The following TRIM65 variants were observed in gnomAD, a reference collection of about 807,000 sequenced individuals.
TRIM65 encodes E3 ubiquitin-protein ligase TRIM65.
Under a neutral mutation model 36.1 loss-of-function variants are expected in TRIM65, and 46 were observed. That is an observed-to-expected ratio of 1.27 (90% CI 1.01 to 1.63). The LOEUF is 1.63. Ranked by LOEUF, TRIM65 falls within the 40% of genes most tolerant of loss-of-function variation. The pLI, the probability that TRIM65 is intolerant of heterozygous loss-of-function variation, is 0.00. For synonymous variants in TRIM65, 346 were observed against 313.6 expected (o/e 1.10, Z -1.09); for missense variants, 708 against 696.6 (o/e 1.02, Z -0.18).
Position 75,892,391 on chromosome 17 carries a change from G to T in TRIM65, c.620C>A (p.Thr207Lys). Residue 207 changes from threonine to lysine, a missense_variant, in exon 3 of 6, where the codon ACG becomes AAG. Thr to Lys is a moderately conservative substitution (Grantham distance 78). Transcript: ENST00000269383. ...TALRSIEVAK[T>K]QALAQARDEE... is the part of the protein sequence containing the mutation. ...GTCTCGAGCCTGTGCCAGCGCCTGC[G>T]TCTTGGCCACCTCGATGCTCCTCAG... 1 of 1,613,994 alleles carries T rather than the reference G, an allele frequency of 6.2e-7. No homozygotes were observed. The highest frequency in any genetic ancestry group is 8.5e-7 in the Non-Finnish European group (1 of 1,179,988).
downstream of TRIM65, among the ~76,000 whole-genome samples, chr17:75,887,806 G>A (rs569367869): frequency 6.6e-6 from 1 of 152,262 alleles, no homozygotes; most frequent in Non-Finnish European, 1.5e-5. Flanking sequence ...TGGATCACGA[G>A]GTCAAGAGTT....
intron 4 of TRIM65, among the ~76,000 whole-genome samples, chr17:75,883,460 TG>T (rs1243047058): frequency 6.6e-6 from 1 of 151,902 alleles, no homozygotes; most frequent in Non-Finnish European, 1.5e-5. Context: ...TTTTGTTTTT[TG>T]GTTAAAAAGC....
chr17:75,887,066 A>G (rs1014403960), downstream of TRIM65, among the ~76,000 whole-genome samples: 1 of 147,484 alleles, frequency 6.8e-6, no homozygotes, highest in African/African-American at 2.5e-5. Context: ...CTGAGGCAGG[A>G]GGAGGAAGGA....
At position 75,889,057 on chromosome 17, in the gene TRIM65, CT is replaced by C. The variant is rs576324036; in HGVS notation, c.*1721del. 6.5e-3 allele frequency: 922 copies of C among 141,276 alleles called. 6 individuals are homozygous for C. The highest frequency in any genetic ancestry group is 0.017 in the African/African-American group (671 of 38,742). 8.8% of individuals were successfully genotyped at this position (141,276 alleles called of 1,614,324 possible). On this transcript the variant is annotated 3_prime_UTR_variant, in exon 6 of 6. Transcript: ENST00000269383. ...AGTTACAAAAAGCAGACAGCCCTCC[CT>C]TTTTTTTTTTTTTTTTGAGACAGAG...
chr17:75,891,860 G>A lies in TRIM65; in HGVS notation c.938C>T (p.Ala313Val), dbSNP rs2065271984. Residue 313 changes from alanine to valine, a missense_variant, in exon 5 of 6, where the codon GCA becomes GTA. Ala to Val is a moderately conservative substitution (Grantham distance 64). Transcript: ENST00000269383. ...TGGACAAACTGTGCTTGGGACCGGT[G>A]CCAGGGGACCTGGGGCCTCTAGGGG... ...LAPVEAPGPL[A>V]PVPSTVCPLR... The A allele has an allele frequency of 1.2e-6, 2 of 1,612,646 alleles. No homozygotes were observed. The highest frequency in any genetic ancestry group is 1.3e-5 in the African/African-American group (1 of 75,010).
intron 1 of TRIM65, among the ~76,000 whole-genome samples, chr17:75,894,009 C>A (rs1381895174): frequency 1.3e-5 from 2 of 152,212 alleles, no homozygotes. Context: ...TCCCGCAACA[C>A]TCTGGAGCCC....
Position 75,892,793 on chromosome 17 carries a change from G to A in TRIM65, c.472C>T (p.Gln158Ter), listed in dbSNP as rs1246532128. ...TQQQATQAEG[Q>*]LLELRKQSSQ... ...CTTTGCTTGCGCAGCTCTAGTAGCTGGCCTTCGGCCTGGGTGGCCTGCTGC... is the reference window on the plus strand; with the variant it reads ...CTTTGCTTGCGCAGCTCTAGTAGCTAGCCTTCGGCCTGGGTGGCCTGCTGC... Residue 158 changes from glutamine to a stop codon, truncating the protein, a stop_gained, in exon 2 of 6, where the codon CAG becomes TAG. Transcript: ENST00000269383. LOFTEE classifies it high-confidence loss of function. 1 of 1,604,544 alleles carries A rather than the reference G, an allele frequency of 6.2e-7. No homozygotes were observed. The highest frequency in any genetic ancestry group is 1.7e-5 in the Admixed American group (1 of 60,014).
In TRIM65 at chr17:75,892,453, G is replaced by A. The variant is rs148442922; in HGVS notation, c.558C>T (p.Ser186=). 7.6e-3 allele frequency: 12,204 copies of A among 1,614,094 alleles called. 135 individuals carry two copies. The highest frequency in any genetic ancestry group is 0.057 in the Middle Eastern group (348 of 6,060). Residue 186 remains serine (S), a synonymous_variant, in exon 3 of 6, where the codon AGC becomes AGT. Transcript: ENST00000269383. ...GCTGTATTTCCAGGGCCTGTAGCAG[G>A]CTGCTGAACTTGCCGGAGACCCAGG... ...LASWVSGKFS[S]LLQALEIQHT...
chr17:75,892,431 G>A lies in TRIM65; in HGVS notation c.580C>T (p.Gln194Ter). ...ATGCTCCTCAGTGCTGTCGTGTGCT[G>A]TATTTCCAGGGCCTGTAGCAGGCTG... Reference protein sequence around the residue: ...FSSLLQALEIQHTTALRSIEV... With the variant: ...FSSLLQALEI Residue 194 changes from glutamine to a stop codon, truncating the protein, a stop_gained, in exon 3 of 6, where the codon CAG becomes TAG. Coordinates refer to ENST00000269383, the MANE Select transcript of TRIM65 (RefSeq NM_173547.4). LOFTEE classifies it high-confidence loss of function. 2 of 1,614,120 alleles carry A rather than the reference G, an allele frequency of 1.2e-6. No homozygotes were observed. Among genetic ancestry groups the A allele is most frequent in the African/African-American group, 1.3e-5 (1 of 75,062 alleles).
At chr17:75,893,574 G>C (rs1013835871) in intron 1 of TRIM65, among the ~76,000 whole-genome samples, 11 of 152,100 alleles carry the variant, frequency 7.2e-5, no homozygotes, top group Non-Finnish European at 1.0e-4. Flanking sequence ...TCACCACCTT[G>C]TTTCTGCTCC....
At chr17:75,882,669 ACCCTAT>A (rs1193736378) in intron 4 of TRIM65, among the ~76,000 whole-genome samples, 1 of 150,508 alleles carries the variant, frequency 6.6e-6, no homozygotes, top group Non-Finnish European at 1.5e-5. Flanking sequence ...CTGTCCAAGG[ACCCTAT>A]CCTAAAGGAT....
chr17:75,881,914 C>T (rs2065171716), intron 4 of TRIM65, among the ~76,000 whole-genome samples: 1 of 150,432 alleles, frequency 6.6e-6, no homozygotes, highest in Admixed American at 6.6e-5. Context: ...TTGGTTTCCA[C>T]CAAGAGCACT....
chr17:75,884,948 T>G (rs1021607999), downstream of TRIM65, among the ~76,000 whole-genome samples: 1 of 150,648 alleles, frequency 6.6e-6, no homozygotes, highest in African/African-American at 2.4e-5. Flanking sequence ...CTTTTTTTTT[T>G]TTTTTTGAGA....
chr17:75,895,416 T>C (rs2065331626), intron 1 of TRIM65, among the ~76,000 whole-genome samples: 3 of 152,096 alleles, frequency 2.0e-5, no homozygotes, highest in Admixed American at 6.6e-5. Context: ...ATGGCCCCCA[T>C]GACCCTACAG....
At chr17:75,888,170 TAA>T (rs1567840712), downstream of TRIM65, among the ~76,000 whole-genome samples, 248 of 109,644 alleles carry the variant, frequency 2.3e-3, no homozygotes, top group African/African-American at 8.9e-3. Context: ...AATATATAAA[TAA>T]ATAAATAAAT....
At chr17:75,881,235 CAAA>C (rs58718762) in intron 4 of TRIM65, among the ~76,000 whole-genome samples, 4 of 110,354 alleles carry the variant, frequency 3.6e-5, no homozygotes, top group Middle Eastern at 5.1e-3. Flanking sequence ...GACTCCATCT[CAAA>C]AAAAAAAAAA....
intron 4 of TRIM65, among the ~76,000 whole-genome samples, chr17:75,882,994 A>C (rs944247484): frequency 6.8e-6 from 1 of 147,876 alleles, no homozygotes; most frequent in African/African-American, 2.6e-5. Context: ...AAAAAAAAAC[A>C]AAAACAAAAA....
At chr17:75,895,329 C>G (rs955763707) in intron 1 of TRIM65, among the ~76,000 whole-genome samples, 15 of 152,150 alleles carry the variant, frequency 9.9e-5, no homozygotes, top group Middle Eastern at 3.2e-3. Flanking sequence ...CATCCTGCCC[C>G]CTTCAGCCCC....
At position 75,892,441 on chromosome 17, in the gene TRIM65, G is replaced by A; in HGVS notation, c.570C>T (p.Ala190=). The change falls in exon 3 of 6, where the codon GCC becomes GCT. Residue 190 remains alanine, a synonymous_variant. Coordinates refer to ENST00000269383, the MANE Select transcript of TRIM65 (RefSeq NM_173547.4). ...GTGCTGTCGTGTGCTGTATTTCCAG[G>A]GCCTGTAGCAGGCTGCTGAACTTGC... is the stretch of plus-strand genomic sequence containing the variant. ...VSGKFSSLLQ[A]LEIQHTTALR... The A allele has an allele frequency of 6.2e-7, 1 of 1,614,126 alleles. No homozygotes were observed. The highest frequency in any genetic ancestry group is 2.2e-5 in the East Asian group (1 of 44,886).
Sources: allele counts gnomAD v4.1 joint callset (sites outside exome capture counted in the v4.1 genomes callset), GRCh38; gene constraint gnomAD v4.1.1; transcripts MANE v1.5; gene names NCBI Gene and HGNC (gene_info 2026-07-23, HGNC 2026-07-21).